Variants in ITGAM observed in about 807,000 individuals in gnomAD.
ITGAM encodes integrin alpha-M.
Under a neutral mutation model 137.5 loss-of-function variants are expected in ITGAM, and 79 were observed. The observed-to-expected ratio is 0.57, with a 90% CI of 0.48 to 0.69. The LOEUF (loss-of-function observed/expected upper bound fraction) is 0.69, where lower values mean the gene tolerates loss of function less well. Among genes scored for constraint, ITGAM ranks in the 30% least tolerant of loss-of-function variants. The pLI, the probability that ITGAM is intolerant of heterozygous loss-of-function variation, is 0.00. For synonymous variants in ITGAM, 583 were observed against 592.3 expected, an observed-to-expected ratio of 0.98 and a Z score of 0.23; for missense variants, 1,343 against 1,483.5, an observed-to-expected ratio of 0.91 and a Z score of 1.56.
chr16:31,299,757 TC>T (rs927010416), intron 14 of ITGAM, among the ~76,000 whole-genome samples: 4 of 131,364 alleles, frequency 3.0e-5, no homozygotes, highest in African/African-American at 1.1e-4. Context: ...CTTCTCCTCC[TC>T]CTCCTCTTCC....
In ITGAM at chr16:31,331,185, G is replaced by T; in HGVS notation, c.3297G>T (p.Pro1099=). 6.2e-7 allele frequency: 1 copy of T among 1,611,730 alleles called. No individual in the cohort carries two copies. ...VRSQTETKVE[P]FEVPNPLPLI... is the part of the protein sequence containing the mutation. ...CCCAGACGGAGACCAAAGTGGAGCC[G>T]TTCGAGGTCCCCAACCCCCTGCCGC... The change falls in exon 29 of 30, where the codon CCG becomes CCT. Residue 1099 remains proline, a synonymous_variant. Transcript: ENST00000544665.
At chr16:31,277,877 G>T in intron 11 of ITGAM, 90 bp from the exon 12 acceptor site, 1 of 1,358,936 alleles carries the variant, frequency 7.4e-7, no homozygotes. Flanking sequence ...CAAGCGTGGG[G>T]CTGCCCCAGT....
intron 14 of ITGAM, among the ~76,000 whole-genome samples, chr16:31,312,986 G>A (rs56132537): frequency 6.6e-6 from 1 of 151,732 alleles, no homozygotes; most frequent in East Asian, 1.9e-4. Context: ...TTGGGAGGCC[G>A]AGGCGGGCGG....
chr16:31,300,321 T>C (rs1373860617), intron 14 of ITGAM, among the ~76,000 whole-genome samples: 3 of 152,238 alleles, frequency 2.0e-5, no homozygotes, highest in Non-Finnish European at 4.4e-5. Context: ...TTAAATCATA[T>C]GGTAGTTCTA....
At chr16:31,319,618 C>T (rs1284945679) in intron 14 of ITGAM, among the ~76,000 whole-genome samples, 2 of 151,966 alleles carry the variant, frequency 1.3e-5, no homozygotes, top group African/African-American at 4.8e-5. Context: ...TTAATTCTGC[C>T]ACTCTGTTTT....
At position 31,331,147 on chromosome 16, in the gene ITGAM, C is replaced by T; in HGVS notation, c.3277-18C>T. The T allele has an allele frequency of 1.4e-6, 2 of 1,397,258 alleles. No homozygotes were observed. Among genetic ancestry groups the T allele is most frequent in the Non-Finnish European group, 2.0e-6 (2 of 986,078 alleles). The allele number at this position is 1,397,258 out of a possible 1,614,324, so 86.6% of individuals were successfully genotyped here. A position where few individuals can be genotyped will look rare whatever the true frequency, so the allele number is the denominator to read the frequency against. ...AATCCAGAGTCGTCTCCCCTGACGC[C>T]CCTCCTTCCTCCCCCAGACGGAGAC... is the stretch of plus-strand genomic sequence containing the variant. On this transcript the variant is annotated intron_variant, in intron 28 of 29. Coordinates refer to ENST00000544665, the MANE Select transcript of ITGAM (RefSeq NM_000632.4).
chr16:31,305,847 C>T (rs1301631767), intron 14 of ITGAM, among the ~76,000 whole-genome samples: 1 of 152,024 alleles, frequency 6.6e-6, no homozygotes, highest in Non-Finnish European at 1.5e-5. Flanking sequence ...TTTTGATGTA[C>T]TGTTGGATTT....
chr16:31,273,310 A>AC, intron 7 of ITGAM, 55 bp from the exon 8 acceptor site: 4 of 1,520,096 alleles, frequency 2.6e-6, no homozygotes, highest in African/African-American at 1.4e-5. Context: ...AAAAAAAAAA[A>AC]AACTAGTGTG....
chr16:31,330,559 C>A lies in ITGAM; in HGVS notation c.3230C>A (p.Ser1077Tyr), dbSNP rs367692179. 33 of 1,613,142 alleles carry A rather than the reference C, an allele frequency of 2.0e-5. No individual in the cohort carries two copies. In the African/African-American group the frequency reaches 4.0e-4, roughly 20 times the overall value. The change falls in exon 28 of 30, where the codon TCC becomes TAC. Residue 1077 changes from serine (S) to tyrosine (Y), a missense_variant. Coordinates refer to ENST00000544665, the MANE Select transcript of ITGAM (RefSeq NM_000632.4). ...VSTAEILFND[S>Y]VFTLLPGQGA... ...ACAGCTGAGATCTTGTTTAACGATT[C>A]CGTGTTCACCCTGCTGCCGGGACAG...
chr16:31,276,943 G>A lies in ITGAM; in HGVS notation c.1107G>A (p.Val369=). 6.2e-7 allele frequency: 1 copy of A among 1,613,344 alleles called. No homozygotes were observed. The highest frequency in any genetic ancestry group is 8.5e-7 in the Non-Finnish European group (1 of 1,179,640). Residue 369 remains valine, a synonymous_variant, in exon 11 of 30, where the codon GTG becomes GTA. Coordinates refer to ENST00000544665, the MANE Select transcript of ITGAM (RefSeq NM_000632.4). ...AGAATGGCCCCTTGCTGAGCACTGT[G>A]GGGAGCTATGACTGGGCTGGTGGAG... The part of the protein sequence containing the change: ...ITSNGPLLST[V]GSYDWAGGVF...
At chr16:31,308,794 T>C (rs1208171997) in intron 14 of ITGAM, among the ~76,000 whole-genome samples, 4 of 152,126 alleles carry the variant, frequency 2.6e-5, no homozygotes, top group Non-Finnish European at 5.9e-5. Flanking sequence ...CATTTAGTGC[T>C]ATAAATTTCC....
Position 31,297,989 on chromosome 16 carries a change from G to A in ITGAM, c.1707+35G>A, listed in dbSNP as rs1037712508. On this transcript the variant is annotated intron_variant, in intron 14 of 29. Transcript: ENST00000544665. ...GGTCACTGTCCTTGTCATGACAGTA[G>A]CCTCTTTGTTGATCTTTCTCCTAAT... 3.9e-6 allele frequency: 6 copies of A among 1,529,156 alleles called. No homozygotes were observed. The Admixed American group carries it at 1.0e-4, about 26-fold the overall frequency. The allele number at this position is 1,529,156 out of a possible 1,614,324, so 94.7% of individuals were successfully genotyped here.
intron 12 of ITGAM, among the ~76,000 whole-genome samples, chr16:31,287,581 C>T (rs986512007): frequency 1.6e-4 from 24 of 152,088 alleles, no homozygotes; most frequent in Non-Finnish European, 3.4e-4. Context: ...CTTTTACCTC[C>T]TTGGTTAGCT....
At chr16:31,308,842 G>A (rs1597021079) in intron 14 of ITGAM, among the ~76,000 whole-genome samples, 2 of 150,736 alleles carry the variant, frequency 1.3e-5, no homozygotes, top group South Asian at 4.3e-4. Flanking sequence ...AGAGATTTTG[G>A]TATGTTGTGT....
intron 12 of ITGAM, among the ~76,000 whole-genome samples, chr16:31,291,440 A>G (rs2080085928): frequency 6.6e-6 from 1 of 152,030 alleles, no homozygotes; most frequent in South Asian, 2.1e-4. Flanking sequence ...GGCTTTACTA[A>G]TTTACATTCC....
chr16:31,329,046 C>G lies in ITGAM; in HGVS notation c.2793-182C>G, dbSNP rs139009395. 308 of 655,834 alleles carry G rather than the reference C, an allele frequency of 4.7e-4. 1 individual carries two copies. In the South Asian group the frequency reaches 4.9e-3, roughly 10 times the overall value. 40.6% of individuals were successfully genotyped at this position (655,834 alleles called of 1,614,324 possible). Reference sequence around the variant, plus strand: ...TGTGTGTGAGTGGCCCAAATGGGCACGCACTGTGTGTCCAGCACACATTGG... The same window carrying G: ...TGTGTGTGAGTGGCCCAAATGGGCAGGCACTGTGTGTCCAGCACACATTGG... On this transcript the variant is annotated intron_variant, in intron 23 of 29. Coordinates refer to ENST00000544665, the MANE Select transcript of ITGAM (RefSeq NM_000632.4).
chr16:31,260,151 C>T, intron 1 of ITGAM, 59 bp downstream of exon 1: 1 of 1,298,178 alleles, frequency 7.7e-7, no homozygotes, highest in Non-Finnish European at 1.1e-6. Flanking sequence ...TTGGGTCTGT[C>T]ATAAATAGAG....
chr16:31,288,783 C>T lies in ITGAM; in HGVS notation c.1357-8731C>T, dbSNP rs531510366. Among the ~76,000 whole-genome samples the T allele has an allele frequency of 1.3e-4, 20 of 152,256 alleles. No homozygotes were observed. In the South Asian group the frequency reaches 4.1e-3, roughly 32 times the overall value. On this transcript the variant is annotated intron_variant, in intron 12 of 29. Coordinates refer to ENST00000544665, the MANE Select transcript of ITGAM (RefSeq NM_000632.4). Reference sequence around the variant, plus strand: ...GGGATCTAATTAAACTAAGGAGCTTCTGCACAGCAAAAGAAACTACCATCA... The same window carrying T: ...GGGATCTAATTAAACTAAGGAGCTTTTGCACAGCAAAAGAAACTACCATCA...
At chr16:31,284,805 A>C (rs560823450) in intron 12 of ITGAM, among the ~76,000 whole-genome samples, 2 of 151,788 alleles carry the variant, frequency 1.3e-5, no homozygotes, top group Admixed American at 1.3e-4. Context: ...TGCGTCACTC[A>C]CGCTGGGAGC....
Sources: gnomAD v4.1 joint callset for allele counts (sites outside exome capture counted in the v4.1 genomes callset) on GRCh38, gnomAD v4.1.1 for gene constraint, MANE v1.5 for transcripts, NCBI Gene and HGNC (gene_info 2026-07-23, HGNC 2026-07-21) for gene names.